Variants in SLC2A13 observed in about 807,000 individuals in gnomAD.
SLC2A13 encodes the protein solute carrier family 2 member 13.
SLC2A13 carries 32 observed loss-of-function variants against 64.4 expected under a neutral mutation model. That is an observed-to-expected ratio of 0.50 (90% CI 0.37 to 0.67). The LOEUF is 0.67. Among genes scored for constraint, SLC2A13 ranks in the 30% least tolerant of loss-of-function variants. The pLI is 0.00. For missense variants in SLC2A13, 743 were observed against 829.2 expected, an observed-to-expected ratio of 0.90 and a Z score of 1.28; for synonymous variants, 338 against 327.1, an observed-to-expected ratio of 1.03 and a Z score of -0.36.
chr12:39,802,736 G>A (rs1941836084), intron 7 of SLC2A13, among the ~76,000 whole-genome samples: 1 of 152,034 alleles, frequency 6.6e-6, no homozygotes, highest in African/African-American at 2.4e-5. Flanking sequence ...AAGATACAGA[G>A]ATAAAGATAG....
At chr12:40,079,407 T>C (rs1411701105) in intron 1 of SLC2A13, among the ~76,000 whole-genome samples, 6 of 152,236 alleles carry the variant, frequency 3.9e-5, no homozygotes, top group African/African-American at 9.6e-5. Context: ...TTCCAAGTAA[T>C]TGTACAGTTT....
At chr12:39,833,367 C>T (rs183974943) in intron 6 of SLC2A13, among the ~76,000 whole-genome samples, 141 of 152,142 alleles carry the variant, frequency 9.3e-4, no homozygotes, top group Non-Finnish European at 1.7e-3. Flanking sequence ...TCCCTAACTT[C>T]CTTACTCCAA....
intron 3 of SLC2A13, among the ~76,000 whole-genome samples, chr12:40,019,503 C>A (rs28370664): frequency 0.028 from 4,335 of 152,212 alleles, 176 homozygotes; most frequent in Admixed American, 0.11. Flanking sequence ...TAGCTGTTTG[C>A]CCTTGCCAGC....
intron 4 of SLC2A13, among the ~76,000 whole-genome samples, chr12:39,896,454 GTATA>G (rs1211527460): frequency 2.1e-5 from 3 of 141,000 alleles, no homozygotes; most frequent in East Asian, 4.2e-4. Context: ...GTATATGTGT[GTATA>G]TATGTATACA....
intron 3 of SLC2A13, among the ~76,000 whole-genome samples, chr12:39,953,177 GAAC>G (rs1325557268): frequency 6.6e-6 from 1 of 152,048 alleles, no homozygotes; most frequent in Non-Finnish European, 1.5e-5. Flanking sequence ...CAGAAATACA[GAAC>G]ATTATGACAA....
chr12:39,775,478 C>G (rs536807890), intron 7 of SLC2A13, among the ~76,000 whole-genome samples: 14 of 152,302 alleles, frequency 9.2e-5, no homozygotes, highest in African/African-American at 3.1e-4. Context: ...TCAGAGGAGC[C>G]CTGAACTCTG....
intron 3 of SLC2A13, among the ~76,000 whole-genome samples, chr12:39,966,259 ATCT>A (rs992094147): frequency 2.6e-5 from 4 of 151,908 alleles, no homozygotes; most frequent in African/African-American, 7.3e-5. Context: ...TCATTACAGA[ATCT>A]TCTTATTACT....
chr12:39,848,856 A>G (rs755947071), intron 6 of SLC2A13, among the ~76,000 whole-genome samples: 8 of 152,212 alleles, frequency 5.3e-5, no homozygotes, highest in Non-Finnish European at 1.2e-4. Flanking sequence ...AAAGGACGAG[A>G]TCACATCTTT....
chr12:39,995,669 G>A (rs952022265), intron 3 of SLC2A13, among the ~76,000 whole-genome samples: 1 of 152,118 alleles, frequency 6.6e-6, no homozygotes, highest in Non-Finnish European at 1.5e-5. Flanking sequence ...ATCTGATATG[G>A]TTTGGCTGTG....
chr12:39,921,365 G>C (rs1945612506), intron 4 of SLC2A13, among the ~76,000 whole-genome samples: 1 of 152,032 alleles, frequency 6.6e-6, no homozygotes, highest in Admixed American at 6.5e-5. Context: ...GACAAAGAAA[G>C]GGAGCTCTCT....
intron 3 of SLC2A13, among the ~76,000 whole-genome samples, chr12:40,004,101 C>A (rs1359736970): frequency 6.6e-6 from 1 of 152,104 alleles, no homozygotes; most frequent in Non-Finnish European, 1.5e-5. Flanking sequence ...AACATTTACA[C>A]TGTATTCGGT....
intron 4 of SLC2A13, among the ~76,000 whole-genome samples, chr12:39,890,226 TG>T (rs1228366403): frequency 1.3e-5 from 2 of 152,192 alleles, no homozygotes; most frequent in African/African-American, 4.8e-5. Flanking sequence ...CCTGGCCATT[TG>T]TTTACCTTAA....
rs534799123 is a variant in SLC2A13 at position 39,760,383 on chromosome 12, T to C, written c.1721-131A>G. 14 of 696,056 alleles carry C rather than the reference T, an allele frequency of 2.0e-5. No homozygotes were observed. The South Asian group carries it at 2.8e-4, about 14-fold the overall frequency. 43.1% of individuals were successfully genotyped at this position (696,056 alleles called of 1,614,324 possible). On this transcript the variant is annotated intron_variant, in intron 9 of 9. Transcript: ENST00000280871. ...TCACAGTATGAAATGGACCAAAAAA[T>C]TACTATGAACCTGGTTTACTCCAAT...
intron 4 of SLC2A13, among the ~76,000 whole-genome samples, chr12:39,913,651 A>C (rs1285188768): frequency 6.6e-6 from 1 of 151,906 alleles, no homozygotes; most frequent in South Asian, 2.1e-4. Context: ...ATTTCAGGAG[A>C]AAAGATACAT....
At chr12:39,837,818 A>G (rs1376142893) in intron 6 of SLC2A13, among the ~76,000 whole-genome samples, 2 of 152,024 alleles carry the variant, frequency 1.3e-5, no homozygotes, top group African/African-American at 2.4e-5. Flanking sequence ...TTAGAATGGC[A>G]ATCATTAAAA....
chr12:39,993,574 C>T (rs1947175163), intron 3 of SLC2A13, among the ~76,000 whole-genome samples: 1 of 152,208 alleles, frequency 6.6e-6, no homozygotes, highest in South Asian at 2.1e-4. Flanking sequence ...ACATATCCTT[C>T]ATAAACTGTT....
rs529386964 is a variant in SLC2A13, at chr12:39,812,420, TCCTG to T, written c.1445+17679_1445+17682del. On this transcript the variant is annotated intron_variant, in intron 7 of 9. Coordinates refer to ENST00000280871, the MANE Select transcript of SLC2A13 (RefSeq NM_052885.4). ...TCTCTTTCTTCCTTCCTTCCTTCCT[TCCTG>T]CCTTCCTTCCTTTTCTTTCTTCTCT... Among the ~76,000 whole-genome samples the T allele has an allele frequency of 2.7e-4, 39 of 142,470 alleles. 1 individual carries two copies. The highest frequency in any genetic ancestry group is 6.9e-4 in the Admixed American group (10 of 14,474). 93.5% of individuals were successfully genotyped at this position (142,470 alleles called of 152,430 possible).
intron 1 of SLC2A13, among the ~76,000 whole-genome samples, chr12:40,051,295 C>A (rs189178816): frequency 6.6e-6 from 1 of 152,112 alleles, no homozygotes; most frequent in African/African-American, 2.4e-5. Flanking sequence ...TGAAATGACA[C>A]GGGGTTTTCT....
intron 3 of SLC2A13, among the ~76,000 whole-genome samples, chr12:39,968,660 C>A (rs975164406): frequency 6.6e-6 from 1 of 151,626 alleles, no homozygotes; most frequent in Admixed American, 6.6e-5. Context: ...TCCGTCACTT[C>A]TACATTCCTT....
Sources: gnomAD v4.1 joint callset for allele counts (sites outside exome capture counted in the v4.1 genomes callset) on GRCh38, gnomAD v4.1.1 for gene constraint, MANE v1.5 for transcripts, NCBI Gene and HGNC (gene_info 2026-07-23, HGNC 2026-07-21) for gene names.